MALRD1: variants seen among roughly 807,000 people sequenced by gnomAD.
MALRD1 encodes the protein MAM and LDL-receptor class A domain-containing protein 1.
MALRD1 carries 247 observed loss-of-function variants against 242.1 expected under a neutral mutation model. The ratio of observed to expected loss-of-function variants is 1.02; its 90% CI spans 0.92 to 1.13. MALRD1 has a LOEUF of 1.13. MALRD1 is among the 50% of genes most tolerant of loss of function. The probability of loss-of-function intolerance (pLI) is 0.00; values close to 1 mark genes in which losing one functional copy is unlikely to be tolerated. For missense variants in MALRD1, 2,989 were observed against 2,533.1 expected (o/e 1.18, Z -3.86); for synonymous variants, 995 against 866.6 (o/e 1.15, Z -2.60).
intron 14 of MALRD1, among the ~76,000 whole-genome samples, chr10:19,189,684 A>G (rs910073985): frequency 3.3e-5 from 5 of 152,142 alleles, no homozygotes; most frequent in Non-Finnish European, 7.4e-5. Flanking sequence ...AATGCACCAC[A>G]TTAACAGAAC....
intron 31 of MALRD1, among the ~76,000 whole-genome samples, chr10:19,507,165 C>G (rs1293615033): frequency 6.6e-6 from 1 of 152,038 alleles, no homozygotes; most frequent in Admixed American, 6.6e-5. Context: ...AGGGAGGGAT[C>G]TTCCGCCATG....
chr10:19,690,373 G>A (rs1047281230), intron 36 of MALRD1, among the ~76,000 whole-genome samples: 5 of 151,848 alleles, frequency 3.3e-5, no homozygotes, highest in Non-Finnish European at 5.9e-5. Context: ...CATAGCTATC[G>A]GAAGGAAGAT....
At chr10:19,169,118 G>T (rs778257464) in intron 13 of MALRD1, among the ~76,000 whole-genome samples, 1 of 152,100 alleles carries the variant, frequency 6.6e-6, no homozygotes, top group African/African-American at 2.4e-5. Flanking sequence ...CTGAACCACT[G>T]TGAGGCCTTT....
intron 5 of MALRD1, among the ~76,000 whole-genome samples, chr10:19,113,297 C>T (rs554998681): frequency 4.5e-4 from 69 of 152,220 alleles, no homozygotes; most frequent in African/African-American, 1.6e-3. Flanking sequence ...AGTCCAATGT[C>T]CTCCTTCACA....
intron 36 of MALRD1, among the ~76,000 whole-genome samples, chr10:19,657,522 G>T (rs911974015): frequency 6.6e-6 from 1 of 151,118 alleles, no homozygotes; most frequent in Non-Finnish European, 1.5e-5. Flanking sequence ...GTAAATTACA[G>T]AATTGAGATT....
chr10:19,154,453 C>A (rs1464739343), intron 11 of MALRD1, among the ~76,000 whole-genome samples: 2 of 152,106 alleles, frequency 1.3e-5, no homozygotes, highest in Non-Finnish European at 2.9e-5. Flanking sequence ...TGTAAGTCTT[C>A]AATATTCAGT....
At chr10:19,435,770 T>C (rs1378985277) in intron 28 of MALRD1, among the ~76,000 whole-genome samples, 1 of 152,130 alleles carries the variant, frequency 6.6e-6, no homozygotes, top group Non-Finnish European at 1.5e-5. Flanking sequence ...TACTGTGCTT[T>C]TCAGAAGAAA....
chr10:19,448,126 C>T (rs1164321860), intron 28 of MALRD1, among the ~76,000 whole-genome samples: 1 of 152,176 alleles, frequency 6.6e-6, no homozygotes, highest in Non-Finnish European at 1.5e-5. Flanking sequence ...CATTAGTTCC[C>T]TGAAAACACG....
intron 22 of MALRD1, among the ~76,000 whole-genome samples, chr10:19,325,196 T>A (rs145283618): frequency 5.9e-5 from 9 of 152,012 alleles, no homozygotes; most frequent in African/African-American, 2.2e-4. Flanking sequence ...TCTATTTTAG[T>A]CAATGTATTA....
intron 4 of MALRD1, among the ~76,000 whole-genome samples, chr10:19,096,047 C>G (rs1564388029): frequency 6.6e-6 from 1 of 152,302 alleles, no homozygotes; most frequent in South Asian, 2.1e-4. Context: ...TCTTAAATTA[C>G]TTTTGCCAAG....
rs1005891871 is a variant in MALRD1, at chr10:19,498,543, C to T, written c.5217C>T (p.Thr1739=). 1.9e-5 allele frequency: 29 copies of T among 1,550,104 alleles called. 1 individual carries two copies. Among genetic ancestry groups the T allele is most frequent in the Admixed American group, 1.8e-4 (9 of 50,936 alleles). The change falls in exon 31 of 40, where the codon ACC becomes ACT. Residue 1739 remains threonine (T), a synonymous_variant. Transcript: ENST00000454679. Reference sequence around the variant, plus strand: ...TTGAAACAAGTTCAGGAAACTGGACCACAGCCTGCAGTCTTACTCAAGACT... The same window carrying T: ...TTGAAACAAGTTCAGGAAACTGGACTACAGCCTGCAGTCTTACTCAAGACT... ...CNFETSSGNW[T]TACSLTQDSE...
chr10:19,124,427 G>T (rs1402850013), intron 6 of MALRD1, 97 bp from the exon 7 acceptor site: 1 of 1,005,932 alleles, frequency 9.9e-7, no homozygotes, highest in East Asian at 3.3e-5. Context: ...ATGTGTATGT[G>T]TGTATATAAG....
At chr10:19,118,521 G>T (rs908759674) in intron 5 of MALRD1, among the ~76,000 whole-genome samples, 1 of 152,224 alleles carries the variant, frequency 6.6e-6, no homozygotes, top group Non-Finnish European at 1.5e-5. Flanking sequence ...GGAATCAATA[G>T]AAAGTAATGT....
chr10:19,102,977 A>G (rs1239862958), intron 4 of MALRD1, among the ~76,000 whole-genome samples: 1 of 151,874 alleles, frequency 6.6e-6, no homozygotes, highest in East Asian at 2.0e-4. Context: ...CCTCCTGAGT[A>G]TATGGGATTA....
chr10:19,548,281 G>A (rs1017120162), intron 32 of MALRD1, among the ~76,000 whole-genome samples: 14 of 151,980 alleles, frequency 9.2e-5, no homozygotes, highest in African/African-American at 3.4e-4. Flanking sequence ...TTACAGGCGT[G>A]AACCACCACG....
In MALRD1 at chr10:19,453,926, C is replaced by T. The variant is rs192864339; in HGVS notation, c.5029+3436C>T. ...AACATAAGCCAAGCATTGTGGCTTG[C>T]GCCTGTAGTCCCAGCTACTCAGGAG... is the stretch of plus-strand genomic sequence containing the variant. On this transcript the variant is annotated intron_variant, in intron 29 of 39. Coordinates refer to ENST00000454679, the MANE Select transcript of MALRD1 (RefSeq NM_001142308.3). Among the ~76,000 whole-genome samples the T allele has an allele frequency of 4.6e-3, 702 of 151,338 alleles. 8 individuals carry two copies. The highest frequency in any genetic ancestry group is 6.9e-3 in the Non-Finnish European group (471 of 67,820).
chr10:19,081,662 T>G (rs1241655303), intron 2 of MALRD1, among the ~76,000 whole-genome samples: 1 of 151,950 alleles, frequency 6.6e-6, no homozygotes, highest in Non-Finnish European at 1.5e-5. Context: ...TAATGGATGC[T>G]GGGCTTAATA....
intron 26 of MALRD1, among the ~76,000 whole-genome samples, chr10:19,372,284 G>C (rs1051859505): frequency 6.6e-6 from 1 of 151,950 alleles, no homozygotes; most frequent in Non-Finnish European, 1.5e-5. Flanking sequence ...GAAAGAAATA[G>C]CATAAGACCT....
intron 10 of MALRD1, among the ~76,000 whole-genome samples, chr10:19,143,834 A>C (rs1416021097): frequency 1.3e-5 from 2 of 152,224 alleles, no homozygotes; most frequent in Non-Finnish European, 2.9e-5. Flanking sequence ...AAGGTGGCAG[A>C]GCTCACAGAG....
Sources: gnomAD v4.1 joint callset for allele counts (sites outside exome capture counted in the v4.1 genomes callset) on GRCh38, gnomAD v4.1.1 for gene constraint, MANE v1.5 for transcripts, NCBI Gene and HGNC (gene_info 2026-07-23, HGNC 2026-07-21) for gene names.